CRACR2A: variants seen among roughly 807,000 people sequenced by gnomAD.
CRACR2A encodes the protein calcium release activated channel regulator 2A, also known as EF-hand calcium-binding domain-containing protein 4B.
CRACR2A carries 79 observed loss-of-function variants against 90.5 expected under a neutral mutation model. The observed-to-expected ratio is 0.87, with a 90% confidence interval of 0.73 to 1.05. The LOEUF is 1.05. CRACR2A is among the 50% of genes least tolerant of loss of function. The probability of loss-of-function intolerance (pLI) is 0.00; values close to 1 mark genes in which losing one functional copy is unlikely to be tolerated. For synonymous variants in CRACR2A, 338 were observed against 356.7 expected (o/e 0.95, Z 0.59); for missense variants, 823 against 897.2 (o/e 0.92, Z 1.06).
intron 1 of CRACR2A, among the ~76,000 whole-genome samples, chr12:3,739,296 C>G (rs1051157301): frequency 6.6e-6 from 1 of 152,204 alleles, no homozygotes; most frequent in African/African-American, 2.4e-5. Flanking sequence ...CTTAATCTGT[C>G]AGAGTCTTGA....
chr12:3,621,677 A>AAAAAAAAAAAAC (rs1944141576), intron 17 of CRACR2A, among the ~76,000 whole-genome samples: 1 of 143,824 alleles, frequency 7.0e-6, no homozygotes. Context: ...AAAAAAAAAA[A>AAAAAAAAAAAAC]AAAACCAAAG....
At chr12:3,687,420 C>T (rs1018909451) in intron 4 of CRACR2A, among the ~76,000 whole-genome samples, 2 of 152,156 alleles carry the variant, frequency 1.3e-5, no homozygotes, top group African/African-American at 4.8e-5. Flanking sequence ...CATCCTTTAG[C>T]TCCCACTTAT....
intron 4 of CRACR2A, among the ~76,000 whole-genome samples, chr12:3,689,726 T>A (rs1945620795): frequency 1.3e-5 from 2 of 152,118 alleles, no homozygotes; most frequent in Admixed American, 1.3e-4. Flanking sequence ...TAGAGAGGAA[T>A]CTCTCCTCCT....
chr12:3,617,592 C>T (rs193238002), intron 18 of CRACR2A, among the ~76,000 whole-genome samples: 2 of 152,354 alleles, frequency 1.3e-5, no homozygotes, highest in East Asian at 3.9e-4. Flanking sequence ...AATACTCTAG[C>T]TGCCCTGGCT....
intron 4 of CRACR2A, among the ~76,000 whole-genome samples, chr12:3,691,915 C>T (rs986574648): frequency 6.6e-6 from 1 of 152,198 alleles, no homozygotes; most frequent in African/African-American, 2.4e-5. Flanking sequence ...CTCTGAGATT[C>T]CTTCCTCTGT....
chr12:3,656,167 A>T (rs1944902572), intron 9 of CRACR2A, 144 bp downstream of exon 9: 4 of 703,860 alleles, frequency 5.7e-6, no homozygotes, highest in Non-Finnish European at 9.6e-6. Flanking sequence ...GTGATTTTAA[A>T]TGCTATCTTT....
At chr12:3,630,498 A>T (rs1944359528) in intron 15 of CRACR2A, among the ~76,000 whole-genome samples, 2 of 152,178 alleles carry the variant, frequency 1.3e-5, no homozygotes, top group South Asian at 4.1e-4. Flanking sequence ...GGGCAGGGGC[A>T]TTCTTCCAGA....
At chr12:3,733,358 T>G (rs537123816) in intron 1 of CRACR2A, 148 bp from the exon 2 acceptor site, 86 of 152,458 alleles carry the variant, frequency 5.6e-4, no homozygotes, top group African/African-American at 2.0e-3. Flanking sequence ...CAGAACTCCA[T>G]TTCTGTTCAC....
At chr12:3,640,812 G>T (rs1179166793) in intron 13 of CRACR2A, 16 of 1,304,632 alleles carry the variant, frequency 1.2e-5, no homozygotes, top group African/African-American at 1.5e-5. Flanking sequence ...AAAATGAAGA[G>T]TGGGCAGGGG....
chr12:3,662,429 A>T (rs1290177877), intron 7 of CRACR2A, among the ~76,000 whole-genome samples: 1 of 152,174 alleles, frequency 6.6e-6, no homozygotes, highest in African/African-American at 2.4e-5. Flanking sequence ...TCACATCCTG[A>T]GGCGGTACCT....
At chr12:3,640,554 G>C in intron 13 of CRACR2A, 1 of 1,258,642 alleles carries the variant, frequency 7.9e-7, no homozygotes, top group Non-Finnish European at 1.0e-6. Context: ...GAACCAACAG[G>C]CCAACCACTA....
intron 2 of CRACR2A, among the ~76,000 whole-genome samples, chr12:3,719,943 C>A (rs1591709971): frequency 1.3e-5 from 2 of 151,788 alleles, no homozygotes; most frequent in East Asian, 3.9e-4. Flanking sequence ...CATGGTGAAA[C>A]CCCATCTCTA....
At chr12:3,723,490 A>G (rs1946214110) in intron 2 of CRACR2A, among the ~76,000 whole-genome samples, 1 of 151,994 alleles carries the variant, frequency 6.6e-6, no homozygotes, top group Non-Finnish European at 1.5e-5. Flanking sequence ...AAAATACCCT[A>G]CTGCTCAACT....
chr12:3,746,982 G>A lies in CRACR2A; in HGVS notation c.-387+6033C>T, dbSNP rs1946637009. On this transcript the variant is annotated intron_variant, in intron 1 of 19. Coordinates refer to ENST00000440314, the MANE Select transcript of CRACR2A (RefSeq NM_001144958.2). This position sits in a 1 kb window ranked among gnomAD's most constrained non-coding sequence, Gnocchi z 4.4. Reference sequence around the variant, plus strand: ...TCACATCCCTTAACTCACCTGACATGGATCAACAGGTAACTCCTGTATTCT... The same window carrying A: ...TCACATCCCTTAACTCACCTGACATAGATCAACAGGTAACTCCTGTATTCT... Among the ~76,000 whole-genome samples, 1 of 152,208 alleles carries A rather than the reference G, an allele frequency of 6.6e-6. No homozygotes were observed. Among genetic ancestry groups the A allele is most frequent in the Admixed American group, 6.5e-5 (1 of 15,290 alleles).
intron 4 of CRACR2A, among the ~76,000 whole-genome samples, chr12:3,683,649 G>T (rs1157201399): frequency 6.6e-6 from 1 of 152,186 alleles, no homozygotes; most frequent in Non-Finnish European, 1.5e-5. Context: ...TTCCCAATTA[G>T]CATTTTATAT....
At chr12:3,721,585 C>CA (rs60808773) in intron 2 of CRACR2A, among the ~76,000 whole-genome samples, 43,373 of 113,526 alleles carry the variant, frequency 0.38, 7,515 homozygotes, top group African/African-American at 0.46. Context: ...AATCATGTCT[C>CA]AAAAAAAAAA....
At chr12:3,669,541 G>A (rs1216314600) in intron 7 of CRACR2A, among the ~76,000 whole-genome samples, 1 of 152,206 alleles carries the variant, frequency 6.6e-6, no homozygotes, top group Non-Finnish European at 1.5e-5. Flanking sequence ...CTGTGCAAAA[G>A]GACAAGGGTG....
chr12:3,689,573 G>A (rs557418216), intron 4 of CRACR2A, among the ~76,000 whole-genome samples: 1 of 152,298 alleles, frequency 6.6e-6, no homozygotes, highest in Admixed American at 6.5e-5. Context: ...GCTTTTTGGT[G>A]TGCTGTTGGA....
intron 6 of CRACR2A, among the ~76,000 whole-genome samples, chr12:3,678,614 G>A (rs1945380836): frequency 1.3e-5 from 2 of 152,264 alleles, no homozygotes; most frequent in African/African-American, 4.8e-5. Context: ...GCAAGGCTGA[G>A]CCAAGGACTG....
Sources: allele counts gnomAD v4.1 joint callset (sites outside exome capture counted in the v4.1 genomes callset), GRCh38; gene constraint gnomAD v4.1.1; non-coding constraint Gnocchi (gnomAD v3.1); transcripts MANE v1.5; gene names NCBI Gene and HGNC (gene_info 2026-07-23, HGNC 2026-07-21).